TUT4: variants seen among roughly 807,000 people sequenced by gnomAD.
The protein encoded by TUT4 is terminal uridylyl transferase 4.
Under a neutral mutation model 192.2 loss-of-function variants are expected in TUT4, and 36 were observed. That is an observed-to-expected ratio of 0.19 (90% confidence interval 0.14 to 0.25). The LOEUF (loss-of-function observed/expected upper bound fraction) is 0.25. Among genes scored for constraint, TUT4 ranks in the 10% least tolerant of loss-of-function variants. The probability of loss-of-function intolerance (pLI) is 1.00; values close to 1 mark genes in which losing one functional copy is unlikely to be tolerated. For synonymous variants in TUT4, 618 were observed against 666.0 expected, an observed-to-expected ratio of 0.93 and a Z score of 1.11; for missense variants, 1,493 against 1,957.2, an observed-to-expected ratio of 0.76 and a Z score of 4.47.
At chr1:52,467,888 A>AC (rs1437082803) in intron 15 of TUT4, among the ~76,000 whole-genome samples, 1 of 152,158 alleles carries the variant, frequency 6.6e-6, no homozygotes, top group East Asian at 1.9e-4. Context: ...CTCAAATGCT[A>AC]CCTTATGAGA....
intron 20 of TUT4, 71 bp downstream of exon 20, chr1:52,458,265 A>C (rs899390959): frequency 8.7e-7 from 1 of 1,154,426 alleles, no homozygotes; most frequent in Admixed American, 2.2e-5. Flanking sequence ...GACATGAACC[A>C]AGCAAAATCT....
intron 26 of TUT4, among the ~76,000 whole-genome samples, chr1:52,436,346 C>A (rs769992943): frequency 1.9e-4 from 29 of 152,024 alleles, no homozygotes; most frequent in African/African-American, 6.8e-4. Flanking sequence ...ATTAGCTGGG[C>A]GTGGTGGCAT....
chr1:52,538,127 T>C (rs1215049880), intron 1 of TUT4, among the ~76,000 whole-genome samples: 1 of 152,018 alleles, frequency 6.6e-6, no homozygotes, highest in Non-Finnish European at 1.5e-5. Flanking sequence ...TCCCAGCTGC[T>C]TGGGAAGCTG....
chr1:52,472,560 TAAAC>T (rs1666041219), intron 13 of TUT4, among the ~76,000 whole-genome samples: 2 of 150,990 alleles, frequency 1.3e-5, no homozygotes, highest in African/African-American at 4.8e-5. Context: ...ATAAATTAAT[TAAAC>T]TAATTTATTA....
intron 20 of TUT4, among the ~76,000 whole-genome samples, chr1:52,451,038 G>T (rs1205327571): frequency 6.6e-6 from 1 of 152,124 alleles, no homozygotes; most frequent in Non-Finnish European, 1.5e-5. Context: ...GGCCCAGGTG[G>T]GCGGGTCACA....
Position 52,537,640 on chromosome 1 carries a change from C to T in TUT4, c.-93-11267G>A, listed in dbSNP as rs138113477. 3.4e-3 allele frequency among the ~76,000 whole-genome samples: 516 copies of T among 152,250 alleles called. 2 individuals carry two copies. Among genetic ancestry groups the T allele is most frequent in the Admixed American group, 3.6e-3 (55 of 15,284 alleles). ...ATAAACTAATTTGACTGGCTCAGCG[C>T]GGTGGCTCATGCCTGTAATCTCAGC... On this transcript the variant is annotated intron_variant, in intron 1 of 29. Coordinates refer to ENST00000257177, the MANE Select transcript of TUT4 (RefSeq NM_001009881.3).
At chr1:52,532,358 C>T (rs184921714) in intron 1 of TUT4, among the ~76,000 whole-genome samples, 3 of 151,556 alleles carry the variant, frequency 2.0e-5, no homozygotes, top group African/African-American at 7.3e-5. Context: ...CAGTATCTCA[C>T]TCTGTCACCC....
rs556906420 is a variant in TUT4, at chr1:52,423,383, GAA to G, written c.*550_*551del. The G allele has an allele frequency of 6.5e-6, 1 of 154,374 alleles. No individual in the cohort carries two copies. The highest frequency in any genetic ancestry group is 2.4e-5 in the African/African-American group (1 of 41,328). The allele number at this position is 154,374 out of a possible 1,614,324, so 9.6% of individuals were successfully genotyped here. On this transcript the variant is annotated 3_prime_UTR_variant, in exon 30 of 30. Coordinates refer to ENST00000257177, the MANE Select transcript of TUT4 (RefSeq NM_001009881.3). ...ATGTTCAATATACAAGTATGGAAAAGAAAAAAAATCTGAATCTTCATGTTGTA... is the reference window on the plus strand; with the variant it reads ...ATGTTCAATATACAAGTATGGAAAAGAAAAAATCTGAATCTTCATGTTGTA...
intron 24 of TUT4, 79 bp from the exon 25 acceptor site, chr1:52,438,414 A>C: frequency 2.2e-6 from 2 of 920,960 alleles, no homozygotes; most frequent in East Asian, 2.5e-5. Context: ...CCAAGATGCA[A>C]ACATGGTTTA....
chr1:52,550,223 C>G (rs1285087680), intron 1 of TUT4, among the ~76,000 whole-genome samples: 1 of 152,048 alleles, frequency 6.6e-6, no homozygotes, highest in Non-Finnish European at 1.5e-5. Flanking sequence ...AGTTAGTACC[C>G]AGTAAACAAC....
rs540540051 is a variant in TUT4, at chr1:52,479,946, G to A, written c.1848+1477C>T. On this transcript the variant is annotated intron_variant, in intron 11 of 29. Coordinates refer to ENST00000257177, the MANE Select transcript of TUT4 (RefSeq NM_001009881.3). Reference sequence around the variant, plus strand: ...GGAGGCAGAGGTTTCAGTGAACTGAGATCGTGCCACTGCACTCCAGCCTGG... The same window carrying A: ...GGAGGCAGAGGTTTCAGTGAACTGAAATCGTGCCACTGCACTCCAGCCTGG... Among the ~76,000 whole-genome samples, 5 of 143,818 alleles carry A rather than the reference G, an allele frequency of 3.5e-5. No homozygotes were observed. The East Asian group carries it at 1.1e-3, about 31-fold the overall frequency. 94.4% of individuals were successfully genotyped at this position (143,818 alleles called of 152,430 possible). A position where few individuals can be genotyped will look rare whatever the true frequency, so the allele number is the denominator to read the frequency against.
At chr1:52,424,237 A>C (rs1165360211) in intron 29 of TUT4, 9 of 499,534 alleles carry the variant, frequency 1.8e-5, no homozygotes, top group Non-Finnish European at 2.5e-5. Context: ...AAGGGAAAAA[A>C]CCCACTAGAA....
rs546212309 is a variant in TUT4 at position 52,507,043 on chromosome 1, T to G, written c.999+2553A>C. On this transcript the variant is annotated intron_variant, in intron 4 of 29. Transcript: ENST00000257177. ...AAATATCCCTACTACTGAAACAAGA[T>G]TCTTCTGAGTACTCTACCCAGTGTC... Among the ~76,000 whole-genome samples, 6 of 152,336 alleles carry G rather than the reference T, an allele frequency of 3.9e-5. No individual in the cohort carries two copies. The South Asian group carries it at 1.2e-3, about 32-fold the overall frequency.
chr1:52,547,205 A>T (rs1366403346), intron 1 of TUT4, among the ~76,000 whole-genome samples: 2 of 150,110 alleles, frequency 1.3e-5, no homozygotes, highest in Non-Finnish European at 3.0e-5. Context: ...TGAGTTCTTA[A>T]AACTCAACAA....
chr1:52,544,916 C>T (rs1048347111), intron 1 of TUT4, among the ~76,000 whole-genome samples: 3 of 151,728 alleles, frequency 2.0e-5, no homozygotes, highest in South Asian at 2.1e-4. Context: ...ATTCGAGTGT[C>T]GTGGTGACAT....
intron 11 of TUT4, among the ~76,000 whole-genome samples, chr1:52,481,017 T>C (rs191380847): frequency 3.9e-5 from 6 of 152,328 alleles, no homozygotes; most frequent in Admixed American, 3.3e-4. Flanking sequence ...GCCTGGCACA[T>C]AGCAGGTCCT....
chr1:52,513,163 G>A (rs1017338680), intron 3 of TUT4, among the ~76,000 whole-genome samples: 3 of 149,564 alleles, frequency 2.0e-5, no homozygotes, highest in Admixed American at 2.0e-4. Flanking sequence ...CCCGAGCACT[G>A]TGGCTCACAC....
At chr1:52,542,894 T>G (rs938189546) in intron 1 of TUT4, among the ~76,000 whole-genome samples, 1 of 152,084 alleles carries the variant, frequency 6.6e-6, no homozygotes, top group African/African-American at 2.4e-5. Flanking sequence ...CCCAAGTAGC[T>G]GGGATTACAG....
intron 1 of TUT4, among the ~76,000 whole-genome samples, chr1:52,546,719 T>C (rs1688176474): frequency 6.6e-6 from 1 of 152,198 alleles, no homozygotes; most frequent in Non-Finnish European, 1.5e-5. Flanking sequence ...TTTTTAAAAG[T>C]TGGAAACAAG....
Sources: allele counts gnomAD v4.1 joint callset (sites outside exome capture counted in the v4.1 genomes callset), GRCh38; gene constraint gnomAD v4.1.1; transcripts MANE v1.5; gene names NCBI Gene and HGNC (gene_info 2026-07-23, HGNC 2026-07-21).